Variants in ZNF362 observed in about 807,000 individuals in gnomAD.
ZNF362 encodes the protein zinc finger protein 362.
A neutral mutation model predicts 42.9 loss-of-function variants in ZNF362; 11 were observed. That is an observed-to-expected ratio of 0.26 (90% CI 0.16 to 0.42). The LOEUF (loss-of-function observed/expected upper bound fraction) is 0.42, where lower values mean the gene tolerates loss of function less well. Among genes scored for constraint, ZNF362 ranks in the 20% least tolerant of loss-of-function variants. The probability of loss-of-function intolerance (pLI) is 1.00; values close to 1 mark genes in which losing one functional copy is unlikely to be tolerated. For missense variants in ZNF362, 362 were observed against 576.2 expected, an observed-to-expected ratio of 0.63 and a Z score of 3.81; for synonymous variants, 255 against 257.3, an observed-to-expected ratio of 0.99 and a Z score of 0.09.
At chr1:33,130,499 C>T in the ZNF362 span, among the ~76,000 whole-genome samples, 3 of 152,140 alleles carry the variant, frequency 2.0e-5, no homozygotes, top group South Asian at 4.1e-4. Flanking sequence ...GACTAATCAA[C>T]GGCTAGCAAG....
the ZNF362 span, among the ~76,000 whole-genome samples, chr1:33,191,202 G>T: frequency 6.6e-6 from 1 of 152,128 alleles, no homozygotes; most frequent in Non-Finnish European, 1.5e-5. Context: ...ACCTACTTAA[G>T]AATACACTAC....
the ZNF362 span, among the ~76,000 whole-genome samples, chr1:33,201,688 C>A: frequency 6.6e-6 from 1 of 152,106 alleles, no homozygotes; most frequent in South Asian, 2.1e-4. Context: ...TAATCAAGGG[C>A]CTTAGCTTTC....
At chr1:33,146,676 C>T in the ZNF362 span, 2 of 169,942 alleles carry the variant, frequency 1.2e-5, no homozygotes, top group African/African-American at 4.8e-5. Flanking sequence ...CTCAGGCAAC[C>T]CTAGGACCAG....
At chr1:33,271,042 C>T (rs1645899562) in intron 2 of ZNF362, among the ~76,000 whole-genome samples, 1 of 152,204 alleles carries the variant, frequency 6.6e-6, no homozygotes, top group Admixed American at 6.5e-5. Flanking sequence ...CCTCTCTGCT[C>T]TGCTCCCCAG....
rs1646110201 is a variant in ZNF362, at chr1:33,295,081, A to G, written c.987+66A>G. Reference sequence around the variant, plus strand: ...GCCCCCCCACCCACCCCCACAAGGAAGCGTAGGAAGGGGGTGGGGTGAGGG... The same window carrying G: ...GCCCCCCCACCCACCCCCACAAGGAGGCGTAGGAAGGGGGTGGGGTGAGGG... On this transcript the variant is annotated intron_variant, in intron 7 of 8. Coordinates refer to ENST00000539719, the MANE Select transcript of ZNF362 (RefSeq NM_152493.3). 3 of 1,612,240 alleles carry G rather than the reference A, an allele frequency of 1.9e-6. No individual in the cohort carries two copies. The South Asian group carries it at 3.3e-5, about 18-fold the overall frequency.
At chr1:33,190,126 G>A in the ZNF362 span, among the ~76,000 whole-genome samples, 1 of 152,132 alleles carries the variant, frequency 6.6e-6, no homozygotes, top group Non-Finnish European at 1.5e-5. Flanking sequence ...ATGAAAAATG[G>A]GTGAGGGATA....
chr1:33,137,636 C>T, the ZNF362 span, among the ~76,000 whole-genome samples: 1 of 152,144 alleles, frequency 6.6e-6, no homozygotes, highest in South Asian at 2.1e-4. Flanking sequence ...CACTTAACCA[C>T]ACTATTTGGC....
chr1:33,282,065 T>A, intron 6 of ZNF362: 1 of 534,096 alleles, frequency 1.9e-6, no homozygotes, highest in Admixed American at 3.1e-5. Context: ...TCCCTGTTTC[T>A]CTGGCCATCC....
At chr1:33,147,602 C>A in the ZNF362 span, 2 of 1,614,130 alleles carry the variant, frequency 1.2e-6, no homozygotes, top group Non-Finnish European at 1.7e-6. The surrounding 1 kb of genome is among the most constrained non-coding windows in gnomAD (Gnocchi z 8.1). Flanking sequence ...ACCTCCACAT[C>A]GAAGCGCTTT....
chr1:33,140,114 G>T, the ZNF362 span, among the ~76,000 whole-genome samples: 3 of 152,090 alleles, frequency 2.0e-5, no homozygotes, highest in Non-Finnish European at 4.4e-5. The surrounding 1 kb of genome is among the most constrained non-coding windows in gnomAD (Gnocchi z 4.0). Context: ...GAGGAAAGAG[G>T]GGAGAGAGGG....
chr1:33,275,226 A>C, intron 2 of ZNF362: 3 of 985,430 alleles, frequency 3.0e-6, no homozygotes, highest in Non-Finnish European at 3.6e-6. Flanking sequence ...TAGCAGGAAG[A>C]CAAACCTTCT....
At chr1:33,255,834 G>A (rs536683212), upstream of ZNF362, among the ~76,000 whole-genome samples, 3 of 152,160 alleles carry the variant, frequency 2.0e-5, no homozygotes, top group African/African-American at 7.2e-5. Flanking sequence ...TCCATCCTGG[G>A]GGTCCCCTCC....
chr1:33,181,259 G>C, the ZNF362 span: 1 of 1,548,232 alleles, frequency 6.5e-7, no homozygotes, highest in Non-Finnish European at 8.7e-7. The surrounding 1 kb of genome is among the most constrained non-coding windows in gnomAD (Gnocchi z 6.5). Context: ...GCGCGGGCTC[G>C]GCGAACGTGC....
chr1:33,259,348 T>A (rs1219914702), intron 1 of ZNF362, among the ~76,000 whole-genome samples: 3 of 152,090 alleles, frequency 2.0e-5, no homozygotes, highest in Non-Finnish European at 2.9e-5. Flanking sequence ...GAATAGGCTA[T>A]CTGCAGTCTT....
chr1:33,262,383 T>A (rs1645834565), intron 1 of ZNF362, among the ~76,000 whole-genome samples: 1 of 36,252 alleles, frequency 2.8e-5, no homozygotes. Flanking sequence ...CCCCTCACTG[T>A]AAGCTCCGCC....
At position 33,280,384 on chromosome 1, in the gene ZNF362, G is replaced by C; in HGVS notation, c.610G>C (p.Gly204Arg). The change falls in exon 5 of 9, where the codon GGT (glycine) becomes CGT (arginine). Residue 204 changes from glycine to arginine, a missense_variant. By Grantham distance (125) the Gly-to-Arg change is moderately radical. Coordinates refer to ENST00000539719, the MANE Select transcript of ZNF362 (RefSeq NM_152493.3). The surrounding 1 kb of genome is among the most constrained non-coding windows in gnomAD (Gnocchi z 5.6). ...RKKIKAENPG[G>R]PPVLVVPYPI... Reference sequence around the variant, plus strand: ...AAAGATCAAGGCGGAGAACCCGGGGGGTCCGCCTGTCCTTGTAGTCCCCTA... The same window carrying C: ...AAAGATCAAGGCGGAGAACCCGGGGCGTCCGCCTGTCCTTGTAGTCCCCTA... The C allele has an allele frequency of 6.2e-7, 1 of 1,613,694 alleles. No homozygotes were observed. Among genetic ancestry groups the C allele is most frequent in the Non-Finnish European group, 8.5e-7 (1 of 1,179,842 alleles).
chr1:33,251,600 C>T (rs1332858139), upstream of ZNF362, among the ~76,000 whole-genome samples: 1 of 152,194 alleles, frequency 6.6e-6, no homozygotes, highest in Non-Finnish European at 1.5e-5. Context: ...AAGATAAAAT[C>T]CTAAACCCTT....
chr1:33,263,123 C>T (rs1645840364), intron 1 of ZNF362, among the ~76,000 whole-genome samples: 1 of 152,232 alleles, frequency 6.6e-6, no homozygotes, highest in Non-Finnish European at 1.5e-5. Flanking sequence ...CATGCACATG[C>T]TTATTTACAC....
chr1:33,195,044 A>G, the ZNF362 span: 1 of 152,208 alleles, frequency 6.6e-6, no homozygotes, highest in Non-Finnish European at 1.5e-5. Context: ...AAAATAAAAA[A>G]ATCTGAAAAG....
Sources: allele counts gnomAD v4.1 joint callset (sites outside exome capture counted in the v4.1 genomes callset), GRCh38; gene constraint gnomAD v4.1.1; non-coding constraint Gnocchi (gnomAD v3.1); transcripts MANE v1.5; gene names NCBI Gene and HGNC (gene_info 2026-07-23, HGNC 2026-07-21).